The following ZFP2 variants were observed in gnomAD, a reference collection of about 807,000 sequenced individuals.
ZFP2 encodes the protein ZFP2 zinc finger protein, also known as zinc finger protein ZFP2.
ZFP2 carries 33 observed loss-of-function variants against 36.1 expected under a neutral mutation model. The observed-to-expected ratio is 0.92, with a 90% CI of 0.69 to 1.22. ZFP2 has a LOEUF of 1.22. Ranked by LOEUF, ZFP2 falls within the 50% of genes most tolerant of loss-of-function variation. ZFP2 has a pLI of 0.00. For missense variants in ZFP2, 522 were observed against 551.4 expected (o/e 0.95, Z 0.53); for synonymous variants, 170 against 178.0 (o/e 0.96, Z 0.36).
chr5:178,922,777 G>C, intron 4 of ZFP2: 1 of 1,493,138 alleles, frequency 6.7e-7, no homozygotes, highest in Non-Finnish European at 9.1e-7. Context: ...GTGCAGAAAT[G>C]TGTGTGGTCA....
chr5:178,915,995 C>T (rs548452927), intron 3 of ZFP2, among the ~76,000 whole-genome samples: 3 of 152,198 alleles, frequency 2.0e-5, no homozygotes, highest in African/African-American at 7.2e-5. Context: ...TTATGAAATT[C>T]ATATCAATAC....
At chr5:178,911,220 G>C (rs1311936464) in intron 1 of ZFP2, among the ~76,000 whole-genome samples, 2 of 152,220 alleles carry the variant, frequency 1.3e-5, no homozygotes, top group African/African-American at 2.4e-5. Context: ...CTGTGCCTGA[G>C]TGTTGACACT....
intron 1 of ZFP2, among the ~76,000 whole-genome samples, chr5:178,896,278 C>G (rs1296937100): frequency 6.6e-6 from 1 of 152,216 alleles, no homozygotes; most frequent in Non-Finnish European, 1.5e-5. Context: ...GATGGGGGCT[C>G]GAACAAGGGC....
At chr5:178,900,668 A>C (rs56814465) in intron 1 of ZFP2, among the ~76,000 whole-genome samples, 1 of 16,224 alleles carries the variant, frequency 6.2e-5, no homozygotes, top group Non-Finnish European at 1.4e-4. Context: ...CACGTCCCCC[A>C]CCCCAGCCAG....
intron 4 of ZFP2, among the ~76,000 whole-genome samples, chr5:178,924,217 C>T (rs2113113348): frequency 6.7e-6 from 1 of 148,242 alleles, no homozygotes; most frequent in South Asian, 2.1e-4. Context: ...ACTAAAACCA[C>T]AAAAAATTAG....
chr5:178,904,759 A>G (rs75527045), intron 1 of ZFP2, among the ~76,000 whole-genome samples: 17,233 of 140,370 alleles, frequency 0.12, 1,490 homozygotes, highest in East Asian at 0.34. Context: ...CTGGAGTGCA[A>G]TGGCATGATT....
chr5:178,896,024 G>A (rs1044656427), intron 1 of ZFP2, 50 bp downstream of exon 1: 1 of 152,332 alleles, frequency 6.6e-6, no homozygotes, highest in Non-Finnish European at 1.5e-5. Context: ...GAGTCTTGTA[G>A]GCCCCCGCAG....
intron 1 of ZFP2, chr5:178,910,106 T>G: frequency 6.8e-7 from 1 of 1,473,860 alleles, no homozygotes; most frequent in East Asian, 2.3e-5. Context: ...CCTGTTTGGC[T>G]TCTGTTAAGA....
At chr5:178,911,995 G>T (rs990130913) in intron 1 of ZFP2, among the ~76,000 whole-genome samples, 2 of 152,038 alleles carry the variant, frequency 1.3e-5, no homozygotes, top group African/African-American at 4.8e-5. Context: ...AATTAGCCAG[G>T]CGTGGTGGGC....
At chr5:178,918,958 C>T (rs916675100) in intron 4 of ZFP2, among the ~76,000 whole-genome samples, 1 of 152,144 alleles carries the variant, frequency 6.6e-6, no homozygotes, top group African/African-American at 2.4e-5. Context: ...GAGTAAAGCC[C>T]CCCTAACCGT....
At chr5:178,923,627 T>G (rs545642310) in intron 4 of ZFP2, among the ~76,000 whole-genome samples, 5 of 149,470 alleles carry the variant, frequency 3.3e-5, no homozygotes, top group Non-Finnish European at 7.5e-5. Flanking sequence ...ATGTGTGGAG[T>G]GCTGACCATG....
chr5:178,905,652 T>G (rs1758151748), intron 1 of ZFP2, among the ~76,000 whole-genome samples: 1 of 144,790 alleles, frequency 6.9e-6, no homozygotes, highest in Non-Finnish European at 1.6e-5. Flanking sequence ...AGGGGGAAAA[T>G]GACTCATACT....
intron 4 of ZFP2, among the ~76,000 whole-genome samples, chr5:178,919,824 G>T (rs1231599232): frequency 6.6e-6 from 1 of 152,098 alleles, no homozygotes; most frequent in Non-Finnish European, 1.5e-5. Flanking sequence ...ACCTGGGTGT[G>T]GTAGTGCATG....
intron 1 of ZFP2, among the ~76,000 whole-genome samples, chr5:178,901,301 C>G (rs1050549597): frequency 3.3e-5 from 5 of 152,244 alleles, no homozygotes; most frequent in Non-Finnish European, 5.9e-5. Flanking sequence ...TCTACATGCT[C>G]TTCCATACTT....
intron 4 of ZFP2, among the ~76,000 whole-genome samples, chr5:178,917,474 G>A (rs1463603049): frequency 2.6e-5 from 4 of 152,086 alleles, no homozygotes; most frequent in African/African-American, 4.8e-5. Context: ...AATTAGCCAG[G>A]TATGGTGGCA....
chr5:178,926,244 T>C (rs1758666526), intron 4 of ZFP2, among the ~76,000 whole-genome samples: 1 of 140,170 alleles, frequency 7.1e-6, no homozygotes, highest in African/African-American at 2.5e-5. Context: ...TCTTTTTTCT[T>C]CTCATTCTCT....
rs576912326 is a variant in ZFP2 at position 178,922,348 on chromosome 5, T to C, written c.-78+5638T>C. 53 of 999,700 alleles carry C rather than the reference T, an allele frequency of 5.3e-5. No individual in the cohort carries two copies. In the African/African-American group the frequency reaches 8.2e-4, roughly 16 times the overall value. The allele number at this position is 999,700 out of a possible 1,614,324, so 61.9% of individuals were successfully genotyped here. A position where few individuals can be genotyped will look rare whatever the true frequency, so the allele number is the denominator to read the frequency against. Reference sequence around the variant, plus strand: ...TTCTTATGTCTTGTTTCTCCTTTCATGTAATTTTTGTTCTATATGGAGCAC... The same window carrying C: ...TTCTTATGTCTTGTTTCTCCTTTCACGTAATTTTTGTTCTATATGGAGCAC... On this transcript the variant is annotated intron_variant, in intron 4 of 4. Coordinates refer to ENST00000361362, the MANE Select transcript of ZFP2 (RefSeq NM_030613.4).
rs186085347 is a variant in ZFP2 at position 178,910,151 on chromosome 5, G to C, written c.-449-2433G>C. Reference sequence around the variant, plus strand: ...ACCGTGCACAGATTCTGTCACTGCTGTCTGCATTTAATGCTTTGCAGCCAT... The same window carrying C: ...ACCGTGCACAGATTCTGTCACTGCTCTCTGCATTTAATGCTTTGCAGCCAT... On this transcript the variant is annotated intron_variant, in intron 1 of 4. Coordinates refer to ENST00000361362, the MANE Select transcript of ZFP2 (RefSeq NM_030613.4). 7 of 1,457,944 alleles carry C rather than the reference G, an allele frequency of 4.8e-6. No individual in the cohort carries two copies. The Admixed American group carries it at 6.7e-5, about 14-fold the overall frequency. 90.3% of individuals were successfully genotyped at this position (1,457,944 alleles called of 1,614,324 possible).
intron 3 of ZFP2, among the ~76,000 whole-genome samples, chr5:178,916,052 C>T (rs1238414626): frequency 6.6e-6 from 1 of 152,124 alleles, no homozygotes; most frequent in African/African-American, 2.4e-5. Context: ...CAGGGCAAAA[C>T]AGCAAAGGTG....
Sources: gnomAD v4.1 joint callset for allele counts (sites outside exome capture counted in the v4.1 genomes callset) on GRCh38, gnomAD v4.1.1 for gene constraint, MANE v1.5 for transcripts, NCBI Gene and HGNC (gene_info 2026-07-23, HGNC 2026-07-21) for gene names.